The following PYM1 variants were observed in gnomAD, a reference collection of about 807,000 sequenced individuals.
The protein encoded by PYM1 is PYM1 exon junction complex associated factor.
In PYM1, 7 loss-of-function variants were observed where a neutral mutation model predicts 20.7. That is an observed-to-expected ratio of 0.34 (90% confidence interval 0.19 to 0.64). PYM1 has a LOEUF of 0.64. PYM1 is among the 30% of genes least tolerant of loss of function. The pLI is 0.74. For missense variants in PYM1, 194 were observed against 250.0 expected, an observed-to-expected ratio of 0.78 and a Z score of 1.51; for synonymous variants, 100 against 99.2, an observed-to-expected ratio of 1.01 and a Z score of -0.05.
Position 55,901,452 on chromosome 12 carries a change from T to A in PYM1, c.*420A>T, listed in dbSNP as rs1355587147. On this transcript the variant is annotated 3_prime_UTR_variant, in exon 3 of 3. Transcript: ENST00000408946. ...TGTTTATTCTCATTTTTGCTTTTTT[T>A]AAAAAAAAAAAAAAAATGAGGGATG... 825 of 143,828 alleles carry A rather than the reference T, an allele frequency of 5.7e-3. 9 individuals are homozygous for A. Among genetic ancestry groups the A allele is most frequent in the African/African-American group, 0.018 (694 of 37,970 alleles). 8.9% of individuals were successfully genotyped at this position (143,828 alleles called of 1,614,324 possible). A position where few individuals can be genotyped will look rare whatever the true frequency, so the allele number is the denominator to read the frequency against.
At chr12:55,907,468 A>G (rs1350615641) in intron 1 of PYM1, among the ~76,000 whole-genome samples, 1 of 142,594 alleles carries the variant, frequency 7.0e-6, no homozygotes, top group Admixed American at 6.9e-5. Flanking sequence ...AAATACAAAA[A>G]AAAAAAAAAA....
At chr12:55,907,658 G>T (rs1188569215) in intron 1 of PYM1, among the ~76,000 whole-genome samples, 1 of 143,726 alleles carries the variant, frequency 7.0e-6, no homozygotes, top group Non-Finnish European at 1.5e-5. Flanking sequence ...AAAATTGGAG[G>T]CCAGGCGCAG....
rs139800519 is a variant in PYM1 at position 55,925,128 on chromosome 12, T to C, written c.37+2597A>G. 2.9e-3 allele frequency among the ~76,000 whole-genome samples: 447 copies of C among 152,348 alleles called. 1 individual carries two copies. The highest frequency in any genetic ancestry group is 2.4e-3 in the Non-Finnish European group (160 of 68,034). On this transcript the variant is annotated intron_variant, in intron 1 of 2. Coordinates refer to ENST00000408946, the MANE Select transcript of PYM1 (RefSeq NM_032345.3). ...GAAGCCAAGAAAACATCTCTAATCA[T>C]ACCCATCATTAGAGACAACAGAAGT... is the stretch of plus-strand genomic sequence containing the variant.
chr12:55,923,862 G>A (rs1883142163), intron 1 of PYM1, among the ~76,000 whole-genome samples: 1 of 152,082 alleles, frequency 6.6e-6, no homozygotes, highest in Non-Finnish European at 1.5e-5. Context: ...CAGATCACGA[G>A]GTCAGGAGTT....
chr12:55,910,774 C>T (rs1882908502), intron 1 of PYM1, among the ~76,000 whole-genome samples: 1 of 152,172 alleles, frequency 6.6e-6, no homozygotes, highest in Non-Finnish European at 1.5e-5. Flanking sequence ...TGAGACATCA[C>T]TCAAATACAT....
chr12:55,901,778 G>C lies in PYM1; in HGVS notation c.*94C>G. ...GGAGGTGGAAGTAAGCCAGTATGGG[G>C]GGTACCCCTCCTGACTGCTGTTGCC... On this transcript the variant is annotated 3_prime_UTR_variant, in exon 3 of 3. Transcript: ENST00000408946. 11 of 1,500,708 alleles carry C rather than the reference G, an allele frequency of 7.3e-6. No homozygotes were observed. Among genetic ancestry groups the C allele is most frequent in the Non-Finnish European group, 9.8e-6 (11 of 1,125,642 alleles). The allele number at this position is 1,500,708 out of a possible 1,614,324, so 93.0% of individuals were successfully genotyped here. A position where few individuals can be genotyped will look rare whatever the true frequency, so the allele number is the denominator to read the frequency against.
chr12:55,923,220 G>A (rs749412091), intron 1 of PYM1, among the ~76,000 whole-genome samples: 4 of 151,012 alleles, frequency 2.6e-5, no homozygotes, highest in African/African-American at 4.9e-5. Context: ...GCAGAACTCC[G>A]TCTCAAAAAA....
intron 1 of PYM1, among the ~76,000 whole-genome samples, chr12:55,906,776 G>A (rs1408139560): frequency 3.3e-5 from 5 of 152,036 alleles, no homozygotes; most frequent in African/African-American, 1.2e-4. Context: ...AGCCTCCTGA[G>A]TAGCTGGGAT....
chr12:55,917,403 A>T (rs1025976698), intron 1 of PYM1, among the ~76,000 whole-genome samples: 1 of 151,696 alleles, frequency 6.6e-6, no homozygotes, highest in African/African-American at 2.4e-5. Flanking sequence ...CTGGGCAACA[A>T]GAGCAAGACT....
At chr12:55,914,316 G>A in intron 1 of PYM1, 1 of 702,278 alleles carries the variant, frequency 1.4e-6, no homozygotes, top group Non-Finnish European at 2.6e-6. Context: ...GGCCTTGATG[G>A]TATCCAAGGG....
intron 1 of PYM1, among the ~76,000 whole-genome samples, chr12:55,904,310 C>G (rs1882749503): frequency 6.6e-6 from 1 of 150,404 alleles, no homozygotes; most frequent in African/African-American, 2.4e-5. Context: ...TAGCAAAAAG[C>G]TGGCCAGGCA....
intron 1 of PYM1, chr12:55,927,032 C>T: frequency 6.7e-7 from 1 of 1,489,762 alleles, no homozygotes; most frequent in Non-Finnish European, 9.0e-7. Context: ...GAACCCCTGC[C>T]CCGAGAGCCC....
chr12:55,925,835 A>G (rs940081790), intron 1 of PYM1, among the ~76,000 whole-genome samples: 2 of 152,236 alleles, frequency 1.3e-5, no homozygotes, highest in East Asian at 3.8e-4. Context: ...TTAAGAGTAA[A>G]GAGAAGTATA....
chr12:55,923,150 G>A (rs989287895), intron 1 of PYM1, among the ~76,000 whole-genome samples: 12 of 152,112 alleles, frequency 7.9e-5, no homozygotes, highest in African/African-American at 2.9e-4. Flanking sequence ...CTTGAACCCG[G>A]GAGGCAGAGG....
rs1050149988 is a variant in PYM1, at chr12:55,927,812, GC to G, written c.-52del. 4 of 1,521,944 alleles carry G rather than the reference GC, an allele frequency of 2.6e-6. No homozygotes were observed. The African/African-American group carries it at 4.2e-5, about 16-fold the overall frequency. The allele number at this position is 1,521,944 out of a possible 1,614,324, so 94.3% of individuals were successfully genotyped here. Reference sequence around the variant, plus strand: ...GGGCGGGCGGCCCTGGCCTGGCTCTGCCCCGCTGGGCGGCGCCGGGGATTCG... The same window carrying G: ...GGGCGGGCGGCCCTGGCCTGGCTCTGCCCGCTGGGCGGCGCCGGGGATTCG... On this transcript the variant is annotated 5_prime_UTR_variant, in exon 1 of 3. Coordinates refer to ENST00000408946, the MANE Select transcript of PYM1 (RefSeq NM_032345.3).
chr12:55,905,905 A>AGATATATATAATAATATATATATCTAT (rs1565714469), intron 1 of PYM1, among the ~76,000 whole-genome samples: 1 of 65,936 alleles, frequency 1.5e-5, no homozygotes, highest in South Asian at 4.4e-4. Flanking sequence ...TATATATCTA[A>AGATATATATAATAATATATATATCTAT]TAGATATATA....
chr12:55,901,576 C>T lies in PYM1; in HGVS notation c.*296G>A. 6.0e-6 allele frequency: 2 copies of T among 330,920 alleles called. No homozygotes were observed. The highest frequency in any genetic ancestry group is 1.1e-5 in the Non-Finnish European group (2 of 180,296). 20.5% of individuals were successfully genotyped at this position (330,920 alleles called of 1,614,324 possible). A position where few individuals can be genotyped will look rare whatever the true frequency, so the allele number is the denominator to read the frequency against. On this transcript the variant is annotated 3_prime_UTR_variant, in exon 3 of 3. Transcript: ENST00000408946. Reference sequence around the variant, plus strand: ...CAGCCTCAGTTCTCCAAGAGATTCCCACCCACCTGATTTTCTTTTAAACAA... The same window carrying T: ...CAGCCTCAGTTCTCCAAGAGATTCCTACCCACCTGATTTTCTTTTAAACAA...
At chr12:55,903,117 C>G (rs529834174) in intron 2 of PYM1, among the ~76,000 whole-genome samples, 7 of 152,142 alleles carry the variant, frequency 4.6e-5, no homozygotes, top group Non-Finnish European at 1.0e-4. Flanking sequence ...CCCAACTTTC[C>G]TCTGCTCTGC....
intron 2 of PYM1, 31 bp downstream of exon 2, chr12:55,903,356 G>GA (rs1882728973): frequency 1.3e-6 from 2 of 1,599,218 alleles, no homozygotes; most frequent in African/African-American, 2.7e-5. Flanking sequence ...GACCCCATCA[G>GA]AAAACCCCTA....
Sources: allele counts gnomAD v4.1 joint callset (sites outside exome capture counted in the v4.1 genomes callset), GRCh38; gene constraint gnomAD v4.1.1; transcripts MANE v1.5; gene names NCBI Gene and HGNC (gene_info 2026-07-23, HGNC 2026-07-21).